The following MAOB variants were observed in gnomAD, a reference collection of about 807,000 sequenced individuals.
MAOB encodes monoamine oxidase B.
In MAOB, 15 loss-of-function variants were observed where a neutral mutation model predicts 41.9. The ratio of observed to expected loss-of-function variants is 0.36; its 90% CI spans 0.24 to 0.55. The LOEUF (loss-of-function observed/expected upper bound fraction) is 0.55, where lower values mean the gene tolerates loss of function less well. Among genes scored for constraint, MAOB ranks in the 20% least tolerant of loss-of-function variants. The pLI, the probability that MAOB is intolerant of heterozygous loss-of-function variation, is 0.86. For synonymous variants in MAOB, 167 were observed against 144.2 expected (o/e 1.16, Z -1.13); for missense variants, 345 against 398.7 (o/e 0.87, Z 1.15).
At chrX:43,799,904 G>A (rs958612949) in intron 5 of MAOB, among the ~76,000 whole-genome samples, 1 of 110,930 alleles carries the variant, frequency 9.0e-6, no homozygotes, top group East Asian at 2.8e-4. Context: ...TTTTTACATA[G>A]CTGTGATCAC....
intron 1 of MAOB, among the ~76,000 whole-genome samples, chrX:43,880,852 G>A (rs1002249158): frequency 7.1e-5 from 8 of 112,410 alleles, no homozygotes; most frequent in Non-Finnish European, 1.5e-4. Context: ...CCTGAAAAGA[G>A]AAACTTCAGC....
At chrX:43,820,900 T>A (rs2034872088) in intron 3 of MAOB, among the ~76,000 whole-genome samples, 1 of 112,493 alleles carries the variant, frequency 8.9e-6, no homozygotes, top group African/African-American at 3.2e-5. Flanking sequence ...TTCATGTAGA[T>A]GATGAAAGCA....
intron 1 of MAOB, among the ~76,000 whole-genome samples, chrX:43,864,006 T>C (rs756735498): frequency 1.3e-4 from 14 of 111,776 alleles, no homozygotes; most frequent in African/African-American, 3.9e-4. Context: ...AGTGTAAATC[T>C]TGGAATTTAA....
chrX:43,777,528 G>T (rs950713778), intron 11 of MAOB, among the ~76,000 whole-genome samples: 3 of 111,872 alleles, frequency 2.7e-5, no homozygotes, highest in Non-Finnish European at 3.8e-5. Flanking sequence ...ATGGTGGGGC[G>T]AGGAGGGAGG....
At chrX:43,868,855 T>TTGTGTGTG (rs113529000) in intron 1 of MAOB, among the ~76,000 whole-genome samples, 91 of 103,790 alleles carry the variant, frequency 8.8e-4, no homozygotes, top group African/African-American at 3.0e-3. Context: ...ACATCAATTC[T>TTGTGTGTG]TGTGTGTGTG....
At chrX:43,840,963 TG>T (rs2035129872) in intron 2 of MAOB, among the ~76,000 whole-genome samples, 1 of 104,383 alleles carries the variant, frequency 9.6e-6, no homozygotes, top group Non-Finnish European at 2.0e-5. Context: ...TTCACTCCCC[TG>T]GAAAGGGGGC....
chrX:43,794,428 C>T (rs749992930), intron 7 of MAOB, among the ~76,000 whole-genome samples: 14 of 110,093 alleles, frequency 1.3e-4, no homozygotes, highest in Admixed American at 2.9e-4. Flanking sequence ...ATTTTTTCCG[C>T]ACTAATTATC....
At chrX:43,870,794 C>CAA (rs763016344) in intron 1 of MAOB, among the ~76,000 whole-genome samples, 753 of 19,513 alleles carry the variant, frequency 0.039, 7 homozygotes, top group African/African-American at 0.066. Flanking sequence ...GACTCCACCT[C>CAA]AAAAAAAAAA....
chrX:43,853,758 A>G (rs1211201083), intron 1 of MAOB, among the ~76,000 whole-genome samples: 1 of 111,538 alleles, frequency 9.0e-6, no homozygotes, highest in Non-Finnish European at 1.9e-5. Flanking sequence ...ATAAGCCAAG[A>G]GGCACTAAAG....
At chrX:43,802,900 A>G (rs1429269116) in intron 4 of MAOB, among the ~76,000 whole-genome samples, 4 of 111,607 alleles carry the variant, frequency 3.6e-5, no homozygotes, top group African/African-American at 1.3e-4. Flanking sequence ...TACCTATGTA[A>G]TGAACCTGCA....
At position 43,780,350 on chromosome X, in the gene MAOB, T is replaced by C. The variant is rs2034314418; in HGVS notation, c.1071A>G (p.Lys357=). Reference sequence around the variant, plus strand: ...AGCATTTCTTTTGTTACCTTTCCTCTTTGGTAAGACGTGCCAGTTTTCTGG... The same window carrying C: ...AGCATTTCTTTTGTTACCTTTCCTCCTTGGTAAGACGTGCCAGTTTTCTGG... ...HKARKLARLT[K]EERLKKLCEL... The change falls in exon 10 of 15, where the codon AAA becomes AAG. Residue 357 remains lysine (K), a synonymous_variant. Transcript: ENST00000378069. The C allele has an allele frequency of 1.7e-6, 2 of 1,203,035 alleles. No homozygotes were observed. Among genetic ancestry groups the C allele is most frequent in the African/African-American group, 1.8e-5 (1 of 57,001 alleles).
intron 1 of MAOB, among the ~76,000 whole-genome samples, chrX:43,847,978 C>T (rs751910262): frequency 8.9e-6 from 1 of 112,525 alleles, no homozygotes; most frequent in Non-Finnish European, 1.9e-5. Flanking sequence ...CATCTCTCTT[C>T]TGAGAAGTTT....
chrX:43,801,544 C>T (rs1013663648), intron 5 of MAOB, among the ~76,000 whole-genome samples: 1 of 112,243 alleles, frequency 8.9e-6, no homozygotes, highest in African/African-American at 3.2e-5. Flanking sequence ...ATTTTCCCTG[C>T]TGTCCAAGAG....
At chrX:43,805,036 A>G (rs1023552078) in intron 3 of MAOB, among the ~76,000 whole-genome samples, 1 of 111,143 alleles carries the variant, frequency 9.0e-6, no homozygotes, top group South Asian at 3.8e-4. Context: ...AAAAATTTTA[A>G]CCTGCCATTA....
intron 1 of MAOB, among the ~76,000 whole-genome samples, chrX:43,878,464 C>T (rs2035454314): frequency 9.3e-6 from 1 of 107,275 alleles, no homozygotes; most frequent in African/African-American, 3.4e-5. Context: ...TGTCTCATTA[C>T]GTTGCCAGGG....
At chrX:43,865,820 G>A (rs924706910) in intron 1 of MAOB, among the ~76,000 whole-genome samples, 1 of 106,481 alleles carries the variant, frequency 9.4e-6, no homozygotes, top group African/African-American at 3.4e-5. Flanking sequence ...AGGCGCTAAG[G>A]TAGTTCACAC....
At chrX:43,794,333 C>T (rs1173166243) in intron 7 of MAOB, among the ~76,000 whole-genome samples, 19 of 111,158 alleles carry the variant, frequency 1.7e-4, no homozygotes, top group Non-Finnish European at 1.9e-5. Context: ...CTCAGTGAGG[C>T]CTTCCCTGAT....
At chrX:43,867,040 T>C (rs1312702519) in intron 1 of MAOB, among the ~76,000 whole-genome samples, 1 of 112,816 alleles carries the variant, frequency 8.9e-6, no homozygotes, top group Non-Finnish European at 1.9e-5. Flanking sequence ...TGCCTGGGTT[T>C]GAGCCAAGAG....
intron 1 of MAOB, 61 bp downstream of exon 1, chrX:43,882,193 C>G: frequency 1.7e-6 from 2 of 1,193,649 alleles, no homozygotes; most frequent in Non-Finnish European, 2.3e-6. Flanking sequence ...CCCGCGTCTC[C>G]CCCAGGCAGC....
Sources: allele counts gnomAD v4.1 joint callset (sites outside exome capture counted in the v4.1 genomes callset), GRCh38; gene constraint gnomAD v4.1.1; transcripts MANE v1.5; gene names NCBI Gene and HGNC (gene_info 2026-07-23, HGNC 2026-07-21).